Variants in MAGI3 observed in about 807,000 individuals in gnomAD.
MAGI3 encodes membrane associated guanylate kinase, WW and PDZ domain containing 3.
MAGI3 carries 43 observed loss-of-function variants against 121.8 expected under a neutral mutation model. The ratio of observed to expected loss-of-function variants is 0.35; its 90% confidence interval spans 0.28 to 0.46. MAGI3 has a LOEUF of 0.46. Among genes scored for constraint, MAGI3 ranks in the 20% least tolerant of loss-of-function variants. MAGI3 has a pLI of 1.00. For missense variants in MAGI3, 1,547 were observed against 1,797.3 expected (o/e 0.86, Z 2.52); for synonymous variants, 553 against 639.3 (o/e 0.86, Z 2.04).
chr1:113,672,859 G>A (rs1647643984), intron 18 of MAGI3, 118 bp downstream of exon 18: 7 of 1,302,794 alleles, frequency 5.4e-6, no homozygotes, highest in South Asian at 4.4e-5. Flanking sequence ...AATAATTCTC[G>A]AAGACCTGCC....
intron 2 of MAGI3, among the ~76,000 whole-genome samples, chr1:113,567,524 A>G (rs1660482971): frequency 6.6e-6 from 1 of 152,114 alleles, no homozygotes; most frequent in Non-Finnish European, 1.5e-5. Context: ...TAAAGAAAAT[A>G]CTAGCAAACC....
At chr1:113,574,421 G>A (rs1049385259) in intron 2 of MAGI3, among the ~76,000 whole-genome samples, 1 of 152,106 alleles carries the variant, frequency 6.6e-6, no homozygotes, top group Non-Finnish European at 1.5e-5. Flanking sequence ...TGTCTGTAAA[G>A]GATTTTATTT....
At chr1:113,608,215 G>C (rs999555688) in intron 6 of MAGI3, among the ~76,000 whole-genome samples, 2 of 151,952 alleles carry the variant, frequency 1.3e-5, no homozygotes, top group Non-Finnish European at 2.9e-5. Context: ...TTTGAAAAGA[G>C]GGAAAGAGGG....
intron 5 of MAGI3, 135 bp from the exon 6 acceptor site, chr1:113,594,346 C>G (rs894595459): frequency 6.1e-6 from 4 of 660,594 alleles, no homozygotes; most frequent in Admixed American, 2.9e-5. Flanking sequence ...ATGAATGAAT[C>G]TGAGGAATAC....
At chr1:113,406,857 TTGGG>T (rs1418484447) in intron 1 of MAGI3, among the ~76,000 whole-genome samples, 1 of 152,156 alleles carries the variant, frequency 6.6e-6, no homozygotes, top group African/African-American at 2.4e-5. Context: ...TTTATTTAGA[TTGGG>T]TGGCCAGGGA....
chr1:113,484,492 A>C (rs1656255110), intron 1 of MAGI3, among the ~76,000 whole-genome samples: 1 of 152,150 alleles, frequency 6.6e-6, no homozygotes, highest in Non-Finnish European at 1.5e-5. Context: ...GAGTGAGAAC[A>C]TACGATGTTT....
chr1:113,549,121 A>AT (rs1461761915), intron 1 of MAGI3, among the ~76,000 whole-genome samples: 2 of 152,232 alleles, frequency 1.3e-5, no homozygotes, highest in African/African-American at 2.4e-5. Context: ...TATCTGCAAT[A>AT]TATATGCATC....
chr1:113,571,826 A>G (rs1028770682), intron 2 of MAGI3, among the ~76,000 whole-genome samples: 1 of 152,232 alleles, frequency 6.6e-6, no homozygotes, highest in African/African-American at 2.4e-5. Context: ...ATATACAACC[A>G]TGTCATCTGC....
chr1:113,600,082 A>G (rs1354171162), intron 6 of MAGI3, among the ~76,000 whole-genome samples: 3 of 152,242 alleles, frequency 2.0e-5, no homozygotes, highest in African/African-American at 4.8e-5. Flanking sequence ...CAAAATAATA[A>G]GAGCTATCTA....
intron 15 of MAGI3, among the ~76,000 whole-genome samples, chr1:113,654,372 A>G (rs1282813656): frequency 6.6e-6 from 1 of 152,224 alleles, no homozygotes; most frequent in Non-Finnish European, 1.5e-5. Context: ...TAAATCGTGT[A>G]TGTAGAAAAT....
intron 3 of MAGI3, among the ~76,000 whole-genome samples, chr1:113,583,377 A>C (rs1256184317): frequency 1.3e-5 from 2 of 152,046 alleles, no homozygotes; most frequent in East Asian, 1.9e-4. Context: ...GAAACTGCCC[A>C]AAATTATTAT....
chr1:113,639,231 C>G (rs1489992882), intron 9 of MAGI3, among the ~76,000 whole-genome samples: 2 of 152,258 alleles, frequency 1.3e-5, no homozygotes, highest in Non-Finnish European at 2.9e-5. Flanking sequence ...ACACGGTGCG[C>G]TGCACCCACT....
chr1:113,536,723 T>C (rs1480281975), intron 1 of MAGI3, among the ~76,000 whole-genome samples: 1 of 152,280 alleles, frequency 6.6e-6, no homozygotes, highest in East Asian at 1.9e-4. Context: ...TTGTGATTTT[T>C]CAGAACAAAA....
chr1:113,618,357 A>C (rs1650606778), intron 7 of MAGI3, among the ~76,000 whole-genome samples: 2 of 152,098 alleles, frequency 1.3e-5, no homozygotes, highest in African/African-American at 4.8e-5. Context: ...ATAAATAAAG[A>C]AATAAAAAGG....
intron 1 of MAGI3, among the ~76,000 whole-genome samples, chr1:113,538,753 C>T (rs1028079008): frequency 1.3e-5 from 2 of 152,038 alleles, no homozygotes; most frequent in South Asian, 4.1e-4. Flanking sequence ...TCTTATTTTT[C>T]AAACATAGGT....
intron 20 of MAGI3, among the ~76,000 whole-genome samples, chr1:113,681,709 A>G (rs1423382304): frequency 1.3e-5 from 2 of 152,224 alleles, no homozygotes; most frequent in Admixed American, 1.3e-4. Context: ...CACATTACCA[A>G]CCAATATTTT....
At chr1:113,682,673 A>G in intron 20 of MAGI3, 1 of 977,688 alleles carries the variant, frequency 1.0e-6, no homozygotes, top group Non-Finnish European at 1.2e-6. Context: ...GGAAAAAATG[A>G]ATATTATTTT....
chr1:113,565,887 A>G (rs1041189973), intron 2 of MAGI3, among the ~76,000 whole-genome samples: 6 of 152,172 alleles, frequency 3.9e-5, no homozygotes, highest in Non-Finnish European at 5.9e-5. Context: ...GGAAATATCA[A>G]CCTTAACCTT....
chr1:113,435,802 G>A (rs1433794473), intron 1 of MAGI3, among the ~76,000 whole-genome samples: 1 of 152,094 alleles, frequency 6.6e-6, no homozygotes, highest in East Asian at 1.9e-4. Context: ...GAACTGCAAG[G>A]AACTTAACCT....
Sources: gnomAD v4.1 joint callset for allele counts (sites outside exome capture counted in the v4.1 genomes callset) on GRCh38, gnomAD v4.1.1 for gene constraint, MANE v1.5 for transcripts, NCBI Gene and HGNC (gene_info 2026-07-23, HGNC 2026-07-21) for gene names.